Variants in WDSUB1 observed in about 807,000 individuals in gnomAD.
The protein encoded by WDSUB1 is WD repeat, SAM and U-box domain-containing protein 1.
A neutral mutation model predicts 53.9 loss-of-function variants in WDSUB1; 49 were observed. The ratio of observed to expected loss-of-function variants is 0.91; its 90% CI spans 0.72 to 1.15. The LOEUF is 1.15. Among genes scored for constraint, WDSUB1 ranks in the 50% most tolerant of loss-of-function variants. The pLI, the probability that WDSUB1 is intolerant of heterozygous loss-of-function variation, is 0.00. For synonymous variants in WDSUB1, 194 were observed against 200.6 expected (o/e 0.97, Z 0.28); for missense variants, 514 against 562.0 (o/e 0.91, Z 0.86).
At chr2:159,260,490 C>T (rs1297479187) in intron 5 of WDSUB1, among the ~76,000 whole-genome samples, 3 of 152,190 alleles carry the variant, frequency 2.0e-5, no homozygotes, top group African/African-American at 4.8e-5. Flanking sequence ...TTATTTGCTA[C>T]TTGGTTTTGT....
intron 6 of WDSUB1, among the ~76,000 whole-genome samples, chr2:159,258,648 G>A (rs961426073): frequency 6.6e-5 from 10 of 152,166 alleles, no homozygotes; most frequent in Non-Finnish European, 1.2e-4. Flanking sequence ...AAAGGAGCAA[G>A]AGTCTGTCTC....
At chr2:159,260,067 G>A (rs1331350831) in intron 5 of WDSUB1, among the ~76,000 whole-genome samples, 1 of 152,150 alleles carries the variant, frequency 6.6e-6, no homozygotes, top group Non-Finnish European at 1.5e-5. Flanking sequence ...ACTTTGGGAG[G>A]TTGATTCGAG....
chr2:159,243,170 A>AAAAT (rs2060705649), intron 10 of WDSUB1, among the ~76,000 whole-genome samples: 1 of 148,094 alleles, frequency 6.8e-6, no homozygotes, highest in African/African-American at 2.6e-5. Context: ...AGGAAGGTTA[A>AAAAT]AAATAAATGA....
At chr2:159,246,750 G>A (rs911224270) in intron 10 of WDSUB1, among the ~76,000 whole-genome samples, 3 of 152,140 alleles carry the variant, frequency 2.0e-5, no homozygotes, top group Non-Finnish European at 4.4e-5. Flanking sequence ...AAAGTCCACT[G>A]ACAGGTTAAT....
intron 6 of WDSUB1, among the ~76,000 whole-genome samples, chr2:159,259,036 A>AATTTTTTTTTTTTTTT (rs1436442238): frequency 6.6e-5 from 10 of 150,722 alleles, no homozygotes; most frequent in East Asian, 4.0e-4. Flanking sequence ...CAACTACTTT[A>AATTTTTTTTTTTTTTT]TTTTTGAGAC....
rs75210001 is a variant in WDSUB1 at position 159,265,293 on chromosome 2, C to CCACACACACACACACACACA, written c.771-5470_771-5451dup. On this transcript the variant is annotated intron_variant, in intron 5 of 10. Transcript: ENST00000359774. ...CTTATCTCTAAAGCAAGCACACACACCACACACACACACACACACACACAC... is the reference window on the plus strand; with the variant it reads ...CTTATCTCTAAAGCAAGCACACACACCACACACACACACACACACACACACACACACACACACACACACAC... 4.0e-5 allele frequency among the ~76,000 whole-genome samples: 6 copies of CCACACACACACACACACACA among 149,360 alleles called. 1 individual carries two copies. Among genetic ancestry groups the CCACACACACACACACACACA allele is most frequent in the South Asian group, 2.1e-4 (1 of 4,708 alleles).
At chr2:159,274,621 T>C (rs138405991) in intron 4 of WDSUB1, among the ~76,000 whole-genome samples, 3 of 152,172 alleles carry the variant, frequency 2.0e-5, no homozygotes, top group Non-Finnish European at 4.4e-5. Flanking sequence ...TGGGAAGCTC[T>C]AGGGTGACAG....
intron 10 of WDSUB1, among the ~76,000 whole-genome samples, chr2:159,245,214 C>T (rs1301493004): frequency 6.6e-6 from 1 of 152,098 alleles, no homozygotes; most frequent in African/African-American, 2.4e-5. Flanking sequence ...ATGTGATTTT[C>T]ACTATCTGAC....
intron 10 of WDSUB1, among the ~76,000 whole-genome samples, chr2:159,239,036 CTG>C (rs1284857450): frequency 6.6e-6 from 1 of 152,132 alleles, no homozygotes; most frequent in Non-Finnish European, 1.5e-5. Context: ...GGGTCTCACT[CTG>C]TCACCCAGGC....
intron 3 of WDSUB1, among the ~76,000 whole-genome samples, chr2:159,278,191 T>C (rs761286345): frequency 7.9e-5 from 12 of 152,148 alleles, no homozygotes; most frequent in Non-Finnish European, 1.6e-4. Context: ...CCCACAGAAA[T>C]GGAAGCAATG....
intron 10 of WDSUB1, among the ~76,000 whole-genome samples, chr2:159,247,082 T>G (rs964001664): frequency 3.9e-5 from 6 of 152,220 alleles, no homozygotes; most frequent in African/African-American, 9.6e-5. Flanking sequence ...GATTCACTTT[T>G]AATAAATCAA....
intron 9 of WDSUB1, among the ~76,000 whole-genome samples, chr2:159,249,326 TCTTAA>T (rs986402667): frequency 2.6e-5 from 4 of 152,228 alleles, no homozygotes; most frequent in East Asian, 1.9e-4. Context: ...TTGTTTTTAT[TCTTAA>T]CTTTAAAAGA....
intron 10 of WDSUB1, 97 bp downstream of exon 10, chr2:159,248,275 A>C (rs2060865216): frequency 6.9e-7 from 1 of 1,441,654 alleles, no homozygotes; most frequent in African/African-American, 1.5e-5. Context: ...AACTACTTAA[A>C]ATTCTTCACA....
At chr2:159,253,124 C>A (rs983943841) in intron 9 of WDSUB1, among the ~76,000 whole-genome samples, 1 of 152,140 alleles carries the variant, frequency 6.6e-6, no homozygotes, top group South Asian at 2.1e-4. Flanking sequence ...CAACTCGTTG[C>A]GTAATATCAC....
chr2:159,250,654 G>A (rs1017004264), intron 9 of WDSUB1, among the ~76,000 whole-genome samples: 3 of 152,144 alleles, frequency 2.0e-5, no homozygotes, highest in African/African-American at 7.2e-5. Context: ...ATTTTGCCAG[G>A]CAAATACAGT....
chr2:159,266,738 C>G (rs1404774703), intron 5 of WDSUB1, among the ~76,000 whole-genome samples: 2 of 152,272 alleles, frequency 1.3e-5, no homozygotes, highest in East Asian at 3.9e-4. Flanking sequence ...AAGGTTTGAA[C>G]AAGTTCTAAC....
intron 5 of WDSUB1, among the ~76,000 whole-genome samples, chr2:159,271,124 T>A (rs2061436337): frequency 6.6e-6 from 1 of 152,194 alleles, no homozygotes; most frequent in Non-Finnish European, 1.5e-5. Flanking sequence ...GTATTAATTG[T>A]TCAGCCACTT....
Position 159,271,687 on chromosome 2 carries a change from A to G in WDSUB1, c.770+15T>C. ...ATATAAAAATGGTTTAGGAAAATTA[A>G]ACCAACTAGCTTACCCTGAGACTAG... On this transcript the variant is annotated intron_variant, in intron 5 of 10. Coordinates refer to ENST00000359774, the MANE Select transcript of WDSUB1 (RefSeq NM_001128212.3). The G allele has an allele frequency of 6.2e-7, 1 of 1,610,098 alleles. No homozygotes were observed. Among genetic ancestry groups the G allele is most frequent in the Non-Finnish European group, 8.5e-7 (1 of 1,177,770 alleles).
intron 9 of WDSUB1, among the ~76,000 whole-genome samples, chr2:159,250,882 T>C (rs145317833): frequency 6.6e-6 from 1 of 152,198 alleles, no homozygotes; most frequent in Non-Finnish European, 1.5e-5. Flanking sequence ...GGTAGAGACA[T>C]GGCTTCAAAA....
Sources: gnomAD v4.1 joint callset for allele counts (sites outside exome capture counted in the v4.1 genomes callset) on GRCh38, gnomAD v4.1.1 for gene constraint, MANE v1.5 for transcripts, NCBI Gene and HGNC (gene_info 2026-07-23, HGNC 2026-07-21) for gene names.